The following AKR1E2 variants were observed in gnomAD, a reference collection of about 807,000 sequenced individuals.
AKR1E2 encodes 1,5-anhydro-D-fructose reductase.
Under a neutral mutation model 41.9 loss-of-function variants are expected in AKR1E2, and 43 were observed. The observed-to-expected ratio is 1.03, with a 90% CI of 0.80 to 1.32. The LOEUF is 1.32. Among genes scored for constraint, AKR1E2 ranks in the 40% most tolerant of loss-of-function variants. The probability of loss-of-function intolerance (pLI) is 0.00; values close to 1 mark genes in which losing one functional copy is unlikely to be tolerated. For synonymous variants in AKR1E2, 121 were observed against 138.9 expected (o/e 0.87, Z 0.91); for missense variants, 423 against 396.5 (o/e 1.07, Z -0.57).
intron 6 of AKR1E2, among the ~76,000 whole-genome samples, chr10:4,841,476 G>A (rs1036832700): frequency 3.4e-5 from 3 of 88,276 alleles, no homozygotes; most frequent in East Asian, 6.4e-4. Context: ...CCTGAGAGTC[G>A]GGGGAGTCAA....
At chr10:4,840,324 C>A (rs1288501830) in intron 6 of AKR1E2, among the ~76,000 whole-genome samples, 1 of 152,236 alleles carries the variant, frequency 6.6e-6, no homozygotes, top group African/African-American at 2.4e-5. Context: ...GCACCAAAAT[C>A]TATTGATTAT....
At chr10:4,842,646 TG>T in intron 8 of AKR1E2, 142 bp downstream of exon 8, 1 of 689,894 alleles carries the variant, frequency 1.4e-6, no homozygotes, top group South Asian at 2.1e-5. Flanking sequence ...TGTTGGTGGT[TG>T]ACCTTCCCTC....
At position 4,826,283 on chromosome 10, in the gene AKR1E2, C is replaced by A; in HGVS notation, c.-42C>A. 2.4e-6 allele frequency: 3 copies of A among 1,226,818 alleles called. No homozygotes were observed. Among genetic ancestry groups the A allele is most frequent in the Non-Finnish European group, 3.1e-6 (3 of 982,510 alleles). The allele number at this position is 1,226,818 out of a possible 1,614,324, so 76.0% of individuals were successfully genotyped here. ...AGCTCGCGCGGTGCCTGTCGGTAGT[C>A]GCGTGCGGGGCGGCGGGGCGGCGGG... On this transcript the variant is annotated 5_prime_UTR_variant, in exon 1 of 10. Transcript: ENST00000298375.
At chr10:4,826,190 T>C, upstream of AKR1E2, 1 of 618,482 alleles carries the variant, frequency 1.6e-6, no homozygotes, top group African/African-American at 1.9e-5. Flanking sequence ...CTTCCAGCCA[T>C]TGTCGGAGTG....
rs766730424 is a variant in AKR1E2 at position 4,835,696 on chromosome 10, ATGAGCTGCAG to A, written c.350_359del (p.Ser117AsnfsTer40). ...GCAGCCTCCTCATCCAGAATGGATC[ATGAGCTGCAG>A]TGAACTTTCCTTCTGCCTCTCACAT... On this transcript the variant is annotated frameshift_variant, in exon 4 of 10. Transcript: ENST00000298375. LOFTEE classifies it high-confidence loss of function. The A allele has an allele frequency of 1.9e-6, 3 of 1,614,090 alleles. No individual in the cohort carries two copies. Among genetic ancestry groups the A allele is most frequent in the Non-Finnish European group, 2.5e-6 (3 of 1,180,000 alleles).
chr10:4,829,112 A>C (rs1832772528), intron 1 of AKR1E2, among the ~76,000 whole-genome samples: 1 of 152,116 alleles, frequency 6.6e-6, no homozygotes, highest in Admixed American at 6.5e-5. Flanking sequence ...TTTGTACCTG[A>C]TTTTAAAGGA....
intron 3 of AKR1E2, among the ~76,000 whole-genome samples, chr10:4,834,052 A>C (rs891739173): frequency 2.0e-5 from 3 of 152,162 alleles, no homozygotes; most frequent in African/African-American, 7.2e-5. Flanking sequence ...ACTCTAGGCA[A>C]CCTGCTTCTG....
chr10:4,833,339 C>G lies in AKR1E2; in HGVS notation c.208-11C>G, dbSNP rs1833129227. ...TGGGCACGTGTGACGCTGGTCCCCT[C>G]TCCTTTGTAGCTGTGGTGCACCTGC... On this transcript the variant is annotated splice_polypyrimidine_tract_variant and intron_variant, in intron 2 of 9. Transcript: ENST00000298375. 2 of 1,610,792 alleles carry G rather than the reference C, an allele frequency of 1.2e-6. No homozygotes were observed. The highest frequency in any genetic ancestry group is 2.7e-5 in the African/African-American group (2 of 74,860).
chr10:4,846,841 GC>G (rs769969177), intron 8 of AKR1E2, among the ~76,000 whole-genome samples: 29 of 152,172 alleles, frequency 1.9e-4, no homozygotes, highest in Non-Finnish European at 3.4e-4. Context: ...ACCGCGCCCA[GC>G]CGCTATAACT....
At chr10:4,867,776 T>C in the AKR1E2 span, among the ~76,000 whole-genome samples, 64,855 of 152,138 alleles carry the variant, frequency 0.43, 15,321 homozygotes, top group East Asian at 0.73. Flanking sequence ...CCAGTGTTTT[T>C]CCTTCCTTTT....
chr10:4,826,731 TG>T (rs1832549618), intron 1 of AKR1E2, among the ~76,000 whole-genome samples: 1 of 152,236 alleles, frequency 6.6e-6, no homozygotes, highest in East Asian at 1.9e-4. Context: ...TTGGCGGCGC[TG>T]GACTCGGCCG....
chr10:4,849,089 G>A (rs959488029), downstream of AKR1E2, among the ~76,000 whole-genome samples: 10 of 152,164 alleles, frequency 6.6e-5, no homozygotes, highest in Admixed American at 5.9e-4. Flanking sequence ...TCACCAAAAC[G>A]AAAAGACATG....
chr10:4,860,802 C>G, the AKR1E2 span, among the ~76,000 whole-genome samples: 1 of 151,918 alleles, frequency 6.6e-6, no homozygotes, highest in Admixed American at 6.6e-5. Flanking sequence ...TTTTGTTGGT[C>G]CTTCTTGATT....
At chr10:4,827,754 A>G (rs1416436864) in intron 1 of AKR1E2, among the ~76,000 whole-genome samples, 1 of 152,234 alleles carries the variant, frequency 6.6e-6, no homozygotes, top group African/African-American at 2.4e-5. Flanking sequence ...CTTAGAGGCT[A>G]GGAGTGTCGT....
chr10:4,838,347 C>T (rs1719786691), intron 5 of AKR1E2, among the ~76,000 whole-genome samples: 1 of 152,198 alleles, frequency 6.6e-6, no homozygotes, highest in Non-Finnish European at 1.5e-5. Context: ...TCACACAGCA[C>T]TGTGTTTCTG....
At chr10:4,872,675 C>T in the AKR1E2 span, among the ~76,000 whole-genome samples, 75 of 152,088 alleles carry the variant, frequency 4.9e-4, no homozygotes, top group South Asian at 2.3e-3. Context: ...GTATTGAGTA[C>T]CCAGGGAGAG....
chr10:4,834,083 G>A (rs559188978), intron 3 of AKR1E2, among the ~76,000 whole-genome samples: 1 of 152,334 alleles, frequency 6.6e-6, no homozygotes, highest in East Asian at 1.9e-4. Flanking sequence ...GTCCTGGCCA[G>A]GATGTCCCTG....
At chr10:4,857,433 G>A in the AKR1E2 span, among the ~76,000 whole-genome samples, 1 of 152,080 alleles carries the variant, frequency 6.6e-6, no homozygotes, top group South Asian at 2.1e-4. Flanking sequence ...TCTTCCTCAT[G>A]CTCCAACAAT....
At chr10:4,848,158 A>G (rs976915456), downstream of AKR1E2, 7 of 149,384 alleles carry the variant, frequency 4.7e-5, no homozygotes, top group African/African-American at 1.5e-4. Flanking sequence ...GCTCACTGCA[A>G]CCTCCGCCTC....
Sources: gnomAD v4.1 joint callset for allele counts (sites outside exome capture counted in the v4.1 genomes callset) on GRCh38, gnomAD v4.1.1 for gene constraint, MANE v1.5 for transcripts, NCBI Gene and HGNC (gene_info 2026-07-23, HGNC 2026-07-21) for gene names.